SLAIN1: variants seen among roughly 807,000 people sequenced by gnomAD.
SLAIN1 encodes SLAIN family member 1, also known as SLAIN motif-containing protein 1.
In SLAIN1, 17 loss-of-function variants were observed where a neutral mutation model predicts 55.4. That is an observed-to-expected ratio of 0.31 (90% CI 0.21 to 0.46). The LOEUF (loss-of-function observed/expected upper bound fraction) is 0.46. Ranked by LOEUF, SLAIN1 falls within the 20% of genes least tolerant of loss-of-function variation. SLAIN1 has a pLI of 1.00. For synonymous variants in SLAIN1, 348 were observed against 337.4 expected (o/e 1.03, Z -0.35); for missense variants, 682 against 785.1 (o/e 0.87, Z 1.57).
At chr13:77,725,263 C>G (rs1144374) in intron 2 of SLAIN1, among the ~76,000 whole-genome samples, 39,694 of 152,048 alleles carry the variant, frequency 0.26, 6,401 homozygotes, top group African/African-American at 0.46. Flanking sequence ...AAAACAGTCA[C>G]TTTCTACTTA....
rs775997938 is a variant in SLAIN1, at chr13:77,763,137, C to G, written c.1698-8C>G. The G allele has an allele frequency of 6.2e-6, 10 of 1,612,228 alleles. No homozygotes were observed. Among genetic ancestry groups the G allele is most frequent in the Non-Finnish European group, 8.5e-6 (10 of 1,178,610 alleles). The stretch of plus-strand genomic sequence containing the variant: ...ATCTCTCTCTCTGTTTTTCTTGTCT[C>G]TTTTTAGTTTTCTTCAGCCTCCAAA... On this transcript the variant is annotated splice_region_variant and splice_polypyrimidine_tract_variant and intron_variant, in intron 6 of 6. Transcript: ENST00000418532.
At position 77,719,590 on chromosome 13, in the gene SLAIN1, C is replaced by G. The variant is rs1269778401; in HGVS notation, c.685C>G (p.Gln229Glu). ...ATCAGAGAAATCCCTGACTCCTTTGCAGTGGTGTAGACATGTCCTAGATAA... is the reference window on the plus strand; with the variant it reads ...ATCAGAGAAATCCCTGACTCCTTTGGAGTGGTGTAGACATGTCCTAGATAA... ...TSSEKSLTPLQWCRHVLDNPT... is the reference protein window; with the variant it reads ...TSSEKSLTPLEWCRHVLDNPT... The change falls in exon 2 of 7, where the codon CAG (glutamine) becomes GAG (glutamate). Residue 229 changes from glutamine (Q) to glutamate (E), a missense_variant. By Grantham distance (29) the Gln-to-Glu change is conservative. This residue lies in a region of SLAIN1 where 401 missense variants were observed against 417.3 expected (regional missense o/e 0.96). Transcript: ENST00000418532. 3.1e-6 allele frequency: 5 copies of G among 1,613,218 alleles called. No individual in the cohort carries two copies. Among genetic ancestry groups the G allele is most frequent in the Non-Finnish European group, 3.4e-6 (4 of 1,179,462 alleles).
At chr13:77,758,946 G>T (rs759916843) in intron 5 of SLAIN1, among the ~76,000 whole-genome samples, 28 of 151,536 alleles carry the variant, frequency 1.8e-4, no homozygotes, top group Non-Finnish European at 3.5e-4. Context: ...AGGATTGTTT[G>T]GATTGTTTTT....
chr13:77,706,280 A>C (rs1414970464), intron 1 of SLAIN1, among the ~76,000 whole-genome samples: 3 of 151,940 alleles, frequency 2.0e-5, no homozygotes, highest in African/African-American at 7.3e-5. Context: ...TTTTATATTT[A>C]ATGTCTGCAT....
chr13:77,726,572 T>G (rs1209456415), intron 2 of SLAIN1, among the ~76,000 whole-genome samples: 4 of 152,082 alleles, frequency 2.6e-5, no homozygotes, highest in African/African-American at 9.7e-5. Context: ...GGACTGCAGA[T>G]GTATGCCACC....
intron 2 of SLAIN1, 149 bp downstream of exon 2, chr13:77,719,820 T>A: frequency 1.3e-6 from 1 of 758,318 alleles, no homozygotes; most frequent in Non-Finnish European, 2.1e-6. Context: ...GTATTACACA[T>A]CAAGCTTTCT....
chr13:77,731,404 A>G (rs565515279), intron 2 of SLAIN1, among the ~76,000 whole-genome samples: 1 of 152,282 alleles, frequency 6.6e-6, no homozygotes, highest in South Asian at 2.1e-4. Context: ...AGCAAAAGAA[A>G]CTTTTGCTTA....
At chr13:77,744,455 C>T (rs779200442) in intron 3 of SLAIN1, 23 bp downstream of exon 3, 10 of 1,606,668 alleles carry the variant, frequency 6.2e-6, no homozygotes, top group Non-Finnish European at 8.5e-6. Context: ...TCTAAACTAG[C>T]AAAATGAGGC....
chr13:77,698,385 G>A lies in SLAIN1; in HGVS notation c.472G>A (p.Gly158Ser), dbSNP rs2090995481. Residue 158 changes from glycine to serine, a missense_variant, in exon 1 of 7, where the codon GGC (glycine) becomes AGC (serine). This residue lies in a region of SLAIN1 where 401 missense variants were observed against 417.3 expected (regional missense o/e 0.96). Transcript: ENST00000418532. This position sits in a 1 kb window ranked among gnomAD's most constrained non-coding sequence, Gnocchi z 4.1. Reference sequence around the variant, plus strand: ...CTTCAAGCCGGCAGCAGGCTTCTTCGGCGCGGGCGGTGGCGGGCCGGAGCC... The same window carrying A: ...CTTCAAGCCGGCAGCAGGCTTCTTCAGCGCGGGCGGTGGCGGGCCGGAGCC... ...VYFKPAAGFFGAGGGGPEPGG... is the reference protein window; with the variant it reads ...VYFKPAAGFFSAGGGGPEPGG... The A allele has an allele frequency of 1.4e-6, 2 of 1,419,932 alleles. No individual in the cohort carries two copies. The highest frequency in any genetic ancestry group is 2.6e-5 in the Admixed American group (1 of 38,322). 88.0% of individuals were successfully genotyped at this position (1,419,932 alleles called of 1,614,324 possible).
At chr13:77,757,528 C>T (rs1178806586) in intron 5 of SLAIN1, among the ~76,000 whole-genome samples, 2 of 151,430 alleles carry the variant, frequency 1.3e-5, no homozygotes, top group East Asian at 1.9e-4. Context: ...TTTTGGTGCA[C>T]CTGTTACCGA....
At chr13:77,740,430 C>T (rs2154410263) in intron 2 of SLAIN1, among the ~76,000 whole-genome samples, 1 of 151,910 alleles carries the variant, frequency 6.6e-6, no homozygotes, top group South Asian at 2.1e-4. Flanking sequence ...TACATTGATT[C>T]AGTGTGTAGT....
intron 1 of SLAIN1, among the ~76,000 whole-genome samples, chr13:77,716,687 A>G (rs2091211130): frequency 1.3e-5 from 2 of 152,148 alleles, no homozygotes; most frequent in Admixed American, 6.6e-5. Context: ...TTGTTAATAT[A>G]TATAAGTATA....
Position 77,698,786 on chromosome 13 carries a change from C to A in SLAIN1, c.626+247C>A, listed in dbSNP as rs556471320. On this transcript the variant is annotated intron_variant, in intron 1 of 6. Transcript: ENST00000418532. This position sits in a 1 kb window ranked among gnomAD's most constrained non-coding sequence, Gnocchi z 4.1. ...CGGATGAACCGGCCCCCCCTTCCCC[C>A]CATCTGCCATGGGTTCTGCTATTTG... The A allele has an allele frequency of 7.9e-7, 1 of 1,268,390 alleles. No individual in the cohort carries two copies. Among genetic ancestry groups the A allele is most frequent in the African/African-American group, 1.5e-5 (1 of 66,828 alleles). 78.6% of individuals were successfully genotyped at this position (1,268,390 alleles called of 1,614,324 possible).
intron 5 of SLAIN1, among the ~76,000 whole-genome samples, chr13:77,760,459 T>G (rs1371444553): frequency 6.6e-6 from 1 of 152,224 alleles, no homozygotes; most frequent in East Asian, 1.9e-4. Flanking sequence ...TATCTCCTCA[T>G]TTTATTTTCT....
chr13:77,698,150 T>G lies in SLAIN1; in HGVS notation c.237T>G (p.Gly79=), dbSNP rs1255343735. The change falls in exon 1 of 7, where the codon GGT becomes GGG. Residue 79 remains glycine (G), a synonymous_variant. Coordinates refer to ENST00000418532, the MANE Select transcript of SLAIN1 (RefSeq NM_001242868.2). The surrounding 1 kb of genome is among the most constrained non-coding windows in gnomAD (Gnocchi z 4.1). ...CCCCCGCTGGCCTGCAGCCTTTGGGTCCTCGGAGCCCCCCGGCCGCCACGG... is the reference window on the plus strand; with the variant it reads ...CCCCCGCTGGCCTGCAGCCTTTGGGGCCTCGGAGCCCCCCGGCCGCCACGG... ...APPPAGLQPL[G]PRSPPAATAT... 3 of 1,124,894 alleles carry G rather than the reference T, an allele frequency of 2.7e-6. No homozygotes were observed. The highest frequency in any genetic ancestry group is 3.3e-6 in the Non-Finnish European group (3 of 915,524). The allele number at this position is 1,124,894 out of a possible 1,614,324, so 69.7% of individuals were successfully genotyped here.
At position 77,698,609 on chromosome 13, in the gene SLAIN1, G is replaced by A. The variant is rs1004557794; in HGVS notation, c.626+70G>A. On this transcript the variant is annotated intron_variant, in intron 1 of 6. Transcript: ENST00000418532. The surrounding 1 kb of genome is among the most constrained non-coding windows in gnomAD (Gnocchi z 4.1). Reference sequence around the variant, plus strand: ...GCTTCGGGCACCGGGGAGCGGGGGCGGGGGGCGGACGGGGGTCCCCTCGCG... The same window carrying A: ...GCTTCGGGCACCGGGGAGCGGGGGCAGGGGGCGGACGGGGGTCCCCTCGCG... 2 of 1,334,326 alleles carry A rather than the reference G, an allele frequency of 1.5e-6. No individual in the cohort carries two copies. Among genetic ancestry groups the A allele is most frequent in the South Asian group, 4.1e-5 (2 of 48,772 alleles). 82.7% of individuals were successfully genotyped at this position (1,334,326 alleles called of 1,614,324 possible).
chr13:77,715,034 A>G (rs2154409578), intron 1 of SLAIN1, among the ~76,000 whole-genome samples: 1 of 152,026 alleles, frequency 6.6e-6, no homozygotes. Context: ...CATGCAGCTA[A>G]TTTTCGTATT....
chr13:77,702,476 C>G (rs1204893806), intron 1 of SLAIN1, among the ~76,000 whole-genome samples: 2 of 152,072 alleles, frequency 1.3e-5, no homozygotes, highest in Non-Finnish European at 2.9e-5. Flanking sequence ...CCTAATGTCA[C>G]CAGGCTCTGC....
chr13:77,741,470 A>G (rs1873435191), intron 2 of SLAIN1: 2 of 984,934 alleles, frequency 2.0e-6, no homozygotes, highest in South Asian at 9.4e-5. Flanking sequence ...AGTGACATAT[A>G]CGACTGGTGT....
Sources: allele counts gnomAD v4.1 joint callset (sites outside exome capture counted in the v4.1 genomes callset), GRCh38; gene constraint gnomAD v4.1.1; regional missense constraint gnomAD v4.1.1; non-coding constraint Gnocchi (gnomAD v3.1); transcripts MANE v1.5; gene names NCBI Gene and HGNC (gene_info 2026-07-23, HGNC 2026-07-21).